ZNF157: variants seen among roughly 807,000 people sequenced by gnomAD.
The protein encoded by ZNF157 is zinc finger protein 22.
A neutral mutation model predicts 9.4 loss-of-function variants in ZNF157; 8 were observed. The ratio of observed to expected loss-of-function variants is 0.85; its 90% CI spans 0.50 to 1.53. ZNF157 has a LOEUF of 1.53. Among genes scored for constraint, ZNF157 ranks in the 40% most tolerant of loss-of-function variants. The probability of loss-of-function intolerance (pLI) is 0.00; values close to 1 mark genes in which losing one functional copy is unlikely to be tolerated. For synonymous variants in ZNF157, 120 were observed against 130.8 expected (o/e 0.92, Z 0.56); for missense variants, 316 against 385.2 (o/e 0.82, Z 1.50).
chrX:47,394,744 T>G (rs1443385161), intron 1 of ZNF157, among the ~76,000 whole-genome samples: 2 of 112,043 alleles, frequency 1.8e-5, no homozygotes, highest in African/African-American at 3.2e-5. Context: ...TTGTATTCTG[T>G]AAGATGATAG....
chrX:47,371,442 C>G (rs923731378), intron 1 of ZNF157, among the ~76,000 whole-genome samples: 1 of 109,090 alleles, frequency 9.2e-6, no homozygotes, highest in Admixed American at 9.9e-5. Flanking sequence ...GAGTTTGAGA[C>G]CTGCCTGGGC....
chrX:47,375,124 C>A (rs1287610837), intron 1 of ZNF157, among the ~76,000 whole-genome samples: 1 of 97,161 alleles, frequency 1.0e-5, no homozygotes, highest in East Asian at 3.6e-4. Context: ...TCAAGTAATT[C>A]TCCTGCCTCA....
chrX:47,387,078 G>A (rs187957340), intron 1 of ZNF157, among the ~76,000 whole-genome samples: 26 of 106,541 alleles, frequency 2.4e-4, no homozygotes, highest in African/African-American at 7.9e-4. Context: ...GTCCATCAGC[G>A]TCCCAAGTAG....
At chrX:47,410,425 C>T (rs139734015) in intron 2 of ZNF157, 23 bp downstream of exon 2, 4 of 1,204,835 alleles carry the variant, frequency 3.3e-6, no homozygotes, top group African/African-American at 3.5e-5. Context: ...GTCCGTGTAA[C>T]TCCTGAGAGC....
chrX:47,384,114 TAA>T (rs57138656), intron 1 of ZNF157, among the ~76,000 whole-genome samples: 1 of 99,879 alleles, frequency 1.0e-5, no homozygotes, highest in Non-Finnish European at 2.0e-5. Flanking sequence ...TACTGAAAAT[TAA>T]AAAAAAAAAA....
rs1234403855 is a variant in ZNF157 at position 47,370,736 on chromosome X, T to C, written c.68T>C (p.Phe23Ser). The C allele has an allele frequency of 8.3e-7, 1 of 1,199,208 alleles. No homozygotes were observed. Among genetic ancestry groups the C allele is most frequent in the Non-Finnish European group, 1.1e-6 (1 of 888,640 alleles). The change falls in exon 1 of 4, where the codon TTT (phenylalanine) becomes TCT (serine). Residue 23 changes from phenylalanine (F) to serine (S), a missense_variant. Phe to Ser is a radical substitution (Grantham distance 155). Transcript: ENST00000377073. ...ATTCCAGGAGAACCTGGCAGATCTT[T>C]TGAGGTAAGGAGGAGGATCCTATTT... ...ALIPGEPGRSFEGSVSFEDVA... is the reference protein window; with the variant it reads ...ALIPGEPGRSSEGSVSFEDVA...
At chrX:47,376,784 C>T (rs1012848172) in intron 1 of ZNF157, among the ~76,000 whole-genome samples, 3 of 111,713 alleles carry the variant, frequency 2.7e-5, no homozygotes, top group African/African-American at 9.8e-5. Flanking sequence ...TCAACCCCAT[C>T]TTTCTTCAAA....
intron 1 of ZNF157, among the ~76,000 whole-genome samples, chrX:47,398,376 T>A (rs1304046581): frequency 5.3e-5 from 6 of 112,285 alleles, no homozygotes; most frequent in African/African-American, 1.9e-4. Flanking sequence ...CTCCTTTTGC[T>A]GTGAAATAAG....
intron 1 of ZNF157, among the ~76,000 whole-genome samples, chrX:47,401,157 C>G (rs1371924385): frequency 8.9e-6 from 1 of 112,201 alleles, no homozygotes; most frequent in East Asian, 2.8e-4. Flanking sequence ...GAATGTTTCT[C>G]TGACATCACC....
intron 1 of ZNF157, among the ~76,000 whole-genome samples, chrX:47,392,810 T>C (rs1013280472): frequency 2.7e-5 from 3 of 111,476 alleles, no homozygotes; most frequent in Middle Eastern, 4.6e-3. Flanking sequence ...CTGGTCCCAA[T>C]CAAGTTTGAA....
chrX:47,389,139 G>A (rs982104163), intron 1 of ZNF157, among the ~76,000 whole-genome samples: 1 of 111,195 alleles, frequency 9.0e-6, no homozygotes, highest in African/African-American at 3.3e-5. Context: ...TTACAACCTT[G>A]TCATAAGTGA....
Position 47,412,440 on chromosome X carries a change from C to T in ZNF157, c.367C>T (p.His123Tyr), listed in dbSNP as rs772291972. 3 of 1,210,400 alleles carry T rather than the reference C, an allele frequency of 2.5e-6. No individual in the cohort carries two copies. In the African/African-American group the frequency reaches 5.2e-5, roughly 21 times the overall value. Residue 123 changes from histidine (H) to tyrosine (Y), a missense_variant, in exon 4 of 4, where the codon CAC becomes TAC. By Grantham distance (83) the His-to-Tyr change is moderately conservative. This residue lies in a region of ZNF157 where 146 missense variants were observed against 183.8 expected (regional missense o/e 0.79). Transcript: ENST00000377073. ...CCTCAGGCATGATAATGACCTTCTT[C>T]ACCATCAGAAGATTCAAACATTGGA... ...NALRHDNDLL[H>Y]HQKIQTLDQN...
At chrX:47,391,937 T>C (rs1437379872) in intron 1 of ZNF157, among the ~76,000 whole-genome samples, 1 of 108,775 alleles carries the variant, frequency 9.2e-6, no homozygotes. Flanking sequence ...TCGCCCAGGC[T>C]GGAATGCAGT....
At chrX:47,379,246 G>C (rs1346346274) in intron 1 of ZNF157, among the ~76,000 whole-genome samples, 4 of 109,451 alleles carry the variant, frequency 3.7e-5, no homozygotes, top group African/African-American at 1.3e-4. Flanking sequence ...ACCCACCTCA[G>C]CCTCCTAAAG....
chrX:47,383,684 GAAA>G (rs11324804), intron 1 of ZNF157, among the ~76,000 whole-genome samples: 1 of 41,584 alleles, frequency 2.4e-5, no homozygotes, highest in Non-Finnish European at 4.2e-5. Context: ...CTCTGTCTCA[GAAA>G]AAAAAAAAAA....
At chrX:47,372,942 G>A (rs148401640) in intron 1 of ZNF157, among the ~76,000 whole-genome samples, 3,588 of 109,430 alleles carry the variant, frequency 0.033, 158 homozygotes, top group African/African-American at 0.11. Context: ...GCTCATGCCT[G>A]TAATTCCAGC....
At chrX:47,406,378 C>CTCTT (rs367849260) in intron 1 of ZNF157, among the ~76,000 whole-genome samples, 19 of 108,465 alleles carry the variant, frequency 1.8e-4, no homozygotes, top group African/African-American at 5.7e-4. Context: ...CTCTCTCTCT[C>CTCTT]TTTTTCTTTT....
chrX:47,378,349 C>T lies in ZNF157; in HGVS notation c.72+7609C>T, dbSNP rs73204087. ...TCTCAAGCACTAATCTTAGGTTTTA[C>T]AATTGTGATGTTATTCCCAGGAACA... is the stretch of plus-strand genomic sequence containing the variant. On this transcript the variant is annotated intron_variant, in intron 1 of 3. Transcript: ENST00000377073. 9.4e-3 allele frequency among the ~76,000 whole-genome samples: 1,047 copies of T among 111,486 alleles called. 10 individuals are homozygous for T. The highest frequency in any genetic ancestry group is 0.013 in the Admixed American group (135 of 10,353).
At chrX:47,390,651 G>A (rs1367243958) in intron 1 of ZNF157, among the ~76,000 whole-genome samples, 1 of 112,741 alleles carries the variant, frequency 8.9e-6, no homozygotes, top group Non-Finnish European at 1.9e-5. Flanking sequence ...GTTGCAGTGA[G>A]CCCAGATTGC....
Sources: gnomAD v4.1 joint callset for allele counts (sites outside exome capture counted in the v4.1 genomes callset) on GRCh38, gnomAD v4.1.1 for gene constraint, gnomAD v4.1.1 regional missense constraint, MANE v1.5 for transcripts, NCBI Gene and HGNC (gene_info 2026-07-23, HGNC 2026-07-21) for gene names.